CD2AP: variants seen among roughly 807,000 people sequenced by gnomAD.
The protein encoded by CD2AP is CD2-associated protein.
A neutral mutation model predicts 85.1 loss-of-function variants in CD2AP; 46 were observed. That is an observed-to-expected ratio of 0.54 (90% CI 0.43 to 0.69). CD2AP has a LOEUF of 0.69. CD2AP is among the 30% of genes least tolerant of loss of function. The probability of loss-of-function intolerance (pLI) is 0.00; values close to 1 mark genes in which losing one functional copy is unlikely to be tolerated. For synonymous variants in CD2AP, 255 were observed against 252.9 expected (o/e 1.01, Z -0.08); for missense variants, 769 against 729.5 (o/e 1.05, Z -0.62).
At chr6:47,490,616 CTG>C (rs1470461596) in intron 1 of CD2AP, among the ~76,000 whole-genome samples, 1 of 152,010 alleles carries the variant, frequency 6.6e-6, no homozygotes, top group African/African-American at 2.4e-5. Context: ...GTTTTTAGAA[CTG>C]TCTCAGGTAA....
At chr6:47,531,428 C>T (rs1188861968) in intron 2 of CD2AP, among the ~76,000 whole-genome samples, 3 of 151,808 alleles carry the variant, frequency 2.0e-5, no homozygotes, top group Non-Finnish European at 4.4e-5. Context: ...GGGCACTGCA[C>T]TGTTGCGGGA....
intron 1 of CD2AP, among the ~76,000 whole-genome samples, chr6:47,482,904 G>A (rs1180722962): frequency 6.6e-6 from 1 of 152,168 alleles, no homozygotes. Flanking sequence ...TTGTAATTGT[G>A]TCAAGGGCTT....
Position 47,544,593 on chromosome 6 carries a change from T to G in CD2AP, c.320-13T>G. On this transcript the variant is annotated splice_polypyrimidine_tract_variant and intron_variant, in intron 3 of 17. Transcript: ENST00000359314. ...ATTCTTAATCTAATTTCTTATTATG[T>G]TACTTTCTTTAGAGACCAAGAAGCG... The G allele has an allele frequency of 6.6e-7, 1 of 1,509,546 alleles. No individual in the cohort carries two copies. Among genetic ancestry groups the G allele is most frequent in the Non-Finnish European group, 9.2e-7 (1 of 1,085,292 alleles). The allele number at this position is 1,509,546 out of a possible 1,614,324, so 93.5% of individuals were successfully genotyped here.
intron 2 of CD2AP, among the ~76,000 whole-genome samples, chr6:47,511,622 C>T (rs1194571728): frequency 1.3e-5 from 2 of 152,106 alleles, no homozygotes; most frequent in African/African-American, 2.4e-5. Flanking sequence ...CTTTGTAACT[C>T]TTCTGTAAAT....
intron 5 of CD2AP, among the ~76,000 whole-genome samples, chr6:47,568,065 C>CAGGA (rs1768051553): frequency 6.6e-6 from 1 of 152,100 alleles, no homozygotes; most frequent in Non-Finnish European, 1.5e-5. Context: ...GCACAAAGAA[C>CAGGA]AGGACCTAGT....
intron 11 of CD2AP, chr6:47,582,376 TC>T (rs1768504221): frequency 4.6e-6 from 1 of 215,072 alleles, no homozygotes; most frequent in African/African-American, 2.3e-5. Flanking sequence ...TTTAAAAAAT[TC>T]CTTAGAATGT....
intron 2 of CD2AP, among the ~76,000 whole-genome samples, chr6:47,519,581 C>G (rs950917665): frequency 1.3e-5 from 2 of 152,138 alleles, no homozygotes; most frequent in Non-Finnish European, 2.9e-5. Flanking sequence ...TGTGTCAAAG[C>G]AGGGAACTTA....
intron 11 of CD2AP, among the ~76,000 whole-genome samples, chr6:47,590,118 T>C (rs1158059505): frequency 2.0e-5 from 3 of 152,094 alleles, no homozygotes; most frequent in Non-Finnish European, 4.4e-5. Flanking sequence ...CTGATAGATA[T>C]GACACATGGC....
At chr6:47,596,136 T>C in intron 12 of CD2AP, 110 bp downstream of exon 12, 3 of 790,572 alleles carry the variant, frequency 3.8e-6, no homozygotes, top group South Asian at 1.5e-5. Flanking sequence ...TTTTCAGTTA[T>C]ATTTATTTTT....
At chr6:47,492,900 T>C (rs1279306151) in intron 1 of CD2AP, among the ~76,000 whole-genome samples, 3 of 152,210 alleles carry the variant, frequency 2.0e-5, no homozygotes, top group Non-Finnish European at 2.9e-5. Context: ...ACTTAATTTT[T>C]ATTTTTAGTG....
chr6:47,502,625 C>G (rs1327111900), intron 1 of CD2AP, among the ~76,000 whole-genome samples: 1 of 151,826 alleles, frequency 6.6e-6, no homozygotes, highest in Non-Finnish European at 1.5e-5. Context: ...TCCCGAGTAG[C>G]TGGGATTACT....
intron 7 of CD2AP, 135 bp from the exon 8 acceptor site, chr6:47,576,874 G>C (rs535431429): frequency 3.0e-6 from 2 of 670,326 alleles, no homozygotes; most frequent in Non-Finnish European, 5.3e-6. Context: ...TTGACTATAA[G>C]TATTTTAAAA....
intron 14 of CD2AP, among the ~76,000 whole-genome samples, chr6:47,607,102 C>T (rs944299513): frequency 6.8e-6 from 1 of 147,442 alleles, no homozygotes; most frequent in African/African-American, 2.4e-5. Context: ...ACATAATGAA[C>T]TCTAGTTCCA....
At chr6:47,543,148 C>CAAAAAAAAAAAAAAAAAAAAA (rs11338409) in intron 3 of CD2AP, among the ~76,000 whole-genome samples, 48 of 60,318 alleles carry the variant, frequency 8.0e-4, no homozygotes, top group East Asian at 3.8e-3. Flanking sequence ...AAGACTGTCT[C>CAAAAAAAAAAAAAAAAAAAAA]AAAAAAAAAA....
At chr6:47,604,949 C>T (rs951031456) in intron 13 of CD2AP, among the ~76,000 whole-genome samples, 1 of 151,938 alleles carries the variant, frequency 6.6e-6, no homozygotes, top group African/African-American at 2.4e-5. Context: ...ATGCATATTA[C>T]CGAACAGTGA....
At chr6:47,607,571 TG>T (rs1458303713) in intron 14 of CD2AP, among the ~76,000 whole-genome samples, 4 of 152,136 alleles carry the variant, frequency 2.6e-5, no homozygotes, top group Non-Finnish European at 1.5e-5. Flanking sequence ...TCATTGTTTT[TG>T]TAGTACTTGT....
intron 2 of CD2AP, 104 bp from the exon 3 acceptor site, chr6:47,533,498 T>A: frequency 9.3e-7 from 1 of 1,070,796 alleles, no homozygotes; most frequent in Non-Finnish European, 1.4e-6. Context: ...GATATTATGA[T>A]TTATATAGTA....
chr6:47,504,987 A>C (rs1050096786), intron 2 of CD2AP, among the ~76,000 whole-genome samples: 1 of 145,144 alleles, frequency 6.9e-6, no homozygotes, highest in Non-Finnish European at 1.5e-5. Flanking sequence ...TGGTTGCTGA[A>C]GGCTGGGGTG....
chr6:47,488,873 T>C lies in CD2AP; in HGVS notation c.4+10625T>C, dbSNP rs188779376. On this transcript the variant is annotated intron_variant, in intron 1 of 17. Transcript: ENST00000359314. ...GCCATTGCACTCCAGCCTGTGCAAC[T>C]GAGTGAGTCTTTCTTAAAAAAAAAA... Among the ~76,000 whole-genome samples, 339 of 152,262 alleles carry C rather than the reference T, an allele frequency of 2.2e-3. 1 individual carries two copies. The highest frequency in any genetic ancestry group is 7.9e-3 in the African/African-American group (329 of 41,560).
Sources: gnomAD v4.1 joint callset for allele counts (sites outside exome capture counted in the v4.1 genomes callset) on GRCh38, gnomAD v4.1.1 for gene constraint, MANE v1.5 for transcripts, NCBI Gene and HGNC (gene_info 2026-07-23, HGNC 2026-07-21) for gene names.